Variants in ACTL6B observed in about 807,000 individuals in gnomAD.
The protein encoded by ACTL6B is actin-like protein 6B.
In ACTL6B, 48 loss-of-function variants were observed where a neutral mutation model predicts 63.3. That is an observed-to-expected ratio of 0.76 (90% CI 0.60 to 0.96). ACTL6B has a LOEUF of 0.96. ACTL6B is among the 50% of genes least tolerant of loss of function. The probability of loss-of-function intolerance (pLI) is 0.00; values close to 1 mark genes in which losing one functional copy is unlikely to be tolerated. For missense variants in ACTL6B, 350 were observed against 572.2 expected, an observed-to-expected ratio of 0.61 and a Z score of 3.96; for synonymous variants, 230 against 223.8, an observed-to-expected ratio of 1.03 and a Z score of -0.25.
In ACTL6B at chr7:100,643,183, G is replaced by T; in HGVS notation, c.*63C>A. ...AGAGGGAAAGGAGGAGGGGGGCAAT[G>T]TGGCATGGGGGTTAAGGGACTTCCA... On this transcript the variant is annotated 3_prime_UTR_variant, in exon 14 of 14. Transcript: ENST00000160382. The T allele has an allele frequency of 1.4e-6, 2 of 1,460,900 alleles. No individual in the cohort carries two copies. Among genetic ancestry groups the T allele is most frequent in the East Asian group, 2.3e-5 (1 of 43,716 alleles). The allele number at this position is 1,460,900 out of a possible 1,614,324, so 90.5% of individuals were successfully genotyped here.
intron 13 of ACTL6B, among the ~76,000 whole-genome samples, chr7:100,644,276 G>A (rs893102761): frequency 2.0e-5 from 3 of 152,010 alleles, no homozygotes; most frequent in Admixed American, 6.6e-5. Context: ...TCAAGTAATC[G>A]TTCCACCTCA....
chr7:100,652,299 G>A (rs946552380), intron 4 of ACTL6B, among the ~76,000 whole-genome samples: 48 of 151,878 alleles, frequency 3.2e-4, no homozygotes, highest in Non-Finnish European at 8.8e-5. Context: ...TTGGGAGGCC[G>A]AGGCAGGAGA....
chr7:100,647,142 G>A lies in ACTL6B; in HGVS notation c.822-57C>T, dbSNP rs1803839255. On this transcript the variant is annotated intron_variant, in intron 9 of 13. Coordinates refer to ENST00000160382, the MANE Select transcript of ACTL6B (RefSeq NM_016188.5). This position sits in a 1 kb window ranked among gnomAD's most constrained non-coding sequence, Gnocchi z 4.4. ...GTGCTCAAGAAGGATCAGTGCGTGG[G>A]CAGCACCAGAGCCCCCCAGCCCACC... The A allele has an allele frequency of 6.2e-7, 1 of 1,610,758 alleles. No homozygotes were observed. The highest frequency in any genetic ancestry group is 1.1e-5 in the South Asian group (1 of 91,004).
chr7:100,649,053 C>T (rs192097937), intron 5 of ACTL6B, among the ~76,000 whole-genome samples: 5 of 148,992 alleles, frequency 3.4e-5, no homozygotes, highest in East Asian at 2.0e-4. Context: ...AGTGCAGTGG[C>T]GCAATCTCAG....
chr7:100,646,849 T>G lies in ACTL6B; in HGVS notation c.937-18A>C, dbSNP rs1364829962. ...GACAGGCCCTGCAGAGAGAGGTGAC[T>G]GGGGCTGTGGGCTCTCTCCCCCTTC... is the stretch of plus-strand genomic sequence containing the variant. On this transcript the variant is annotated intron_variant, in intron 10 of 13. Transcript: ENST00000160382. The surrounding 1 kb of genome is among the most constrained non-coding windows in gnomAD (Gnocchi z 6.1). 8 of 1,608,086 alleles carry G rather than the reference T, an allele frequency of 5.0e-6. No homozygotes were observed. The highest frequency in any genetic ancestry group is 5.9e-6 in the Non-Finnish European group (7 of 1,177,164).
chr7:100,644,026 G>C (rs1803773478), intron 13 of ACTL6B, among the ~76,000 whole-genome samples: 1 of 151,930 alleles, frequency 6.6e-6, no homozygotes, highest in South Asian at 2.1e-4. Context: ...CAGCCTGCTG[G>C]GTAGCTGGGA....
chr7:100,646,860 GCT>G lies in ACTL6B; in HGVS notation c.937-31_937-30del. On this transcript the variant is annotated intron_variant, in intron 10 of 13. Transcript: ENST00000160382. This position sits in a 1 kb window ranked among gnomAD's most constrained non-coding sequence, Gnocchi z 6.1. ...CAGAGAGAGGTGACTGGGGCTGTGG[GCT>G]CTCTCCCCCTTCCCCCCAGACCCCT... The G allele has an allele frequency of 6.2e-7, 1 of 1,605,310 alleles. No individual in the cohort carries two copies. Among genetic ancestry groups the G allele is most frequent in the Non-Finnish European group, 8.5e-7 (1 of 1,175,468 alleles).
At position 100,649,000 on chromosome 7, in the gene ACTL6B, T is replaced by A. The variant is rs1394734566; in HGVS notation, c.468-177A>T. On this transcript the variant is annotated intron_variant, in intron 5 of 13. Transcript: ENST00000160382. This position sits in a 1 kb window ranked among gnomAD's most constrained non-coding sequence, Gnocchi z 4.4. ...GGCTCTGAGACCCCAGTTACTTCTTTTTTTTTTTTTTTGAGATGGAGTCTT... is the reference window on the plus strand; with the variant it reads ...GGCTCTGAGACCCCAGTTACTTCTTATTTTTTTTTTTTGAGATGGAGTCTT... 6.6e-6 allele frequency among the ~76,000 whole-genome samples: 1 copy of A among 150,716 alleles called. No homozygotes were observed. Among genetic ancestry groups the A allele is most frequent in the Non-Finnish European group, 1.5e-5 (1 of 67,460 alleles).
rs1804012904 is a variant in ACTL6B, at chr7:100,655,066, C to T, written c.322G>A (p.Val108Ile). 1.9e-6 allele frequency: 3 copies of T among 1,614,028 alleles called. No individual in the cohort carries two copies. The highest frequency in any genetic ancestry group is 1.1e-5 in the South Asian group (1 of 91,070). ...GGGTGCAGGTTTGGCTCAGACTTGACGTGTTTGCTGTAGGTGTGATCCAGG... is the reference window on the plus strand; with the variant it reads ...GGGTGCAGGTTTGGCTCAGACTTGATGTGTTTGCTGTAGGTGTGATCCAGG... ...AILDHTYSKH[V>I]KSEPNLHPVL... The change falls in exon 4 of 14, where the codon GTC (valine) becomes ATC (isoleucine). Residue 108 changes from valine to isoleucine, a missense_variant. Val to Ile is a conservative substitution (Grantham distance 29). Transcript: ENST00000160382. This position sits in a 1 kb window ranked among gnomAD's most constrained non-coding sequence, Gnocchi z 4.4.
intron 4 of ACTL6B, 108 bp from the exon 5 acceptor site, chr7:100,650,243 A>G (rs1449142305): frequency 1.2e-6 from 1 of 848,860 alleles, no homozygotes; most frequent in Non-Finnish European, 1.9e-6. Context: ...TCACACACAC[A>G]CATCCAAACA....
chr7:100,651,063 G>A (rs1325617486), intron 4 of ACTL6B, among the ~76,000 whole-genome samples: 1 of 152,070 alleles, frequency 6.6e-6, no homozygotes, highest in Admixed American at 6.6e-5. Context: ...TACATCAGAG[G>A]ATCAGAAATC....
chr7:100,655,099 G>A lies in ACTL6B; in HGVS notation c.289C>T (p.Arg97Ter), dbSNP rs929755522. Reference protein sequence around the residue: ...NGMIEDWECFRAILDHTYSKH... With the variant: ...NGMIEDWECF ...CTGTAGGTGTGATCCAGGATGGCTC[G>A]GAAGCACTCCCAGTCCTCGACTGGG... The change falls in exon 4 of 14, where the codon CGA (arginine) becomes TGA (stop). Residue 97 changes from arginine to a stop codon, truncating the protein, a stop_gained. Transcript: ENST00000160382. LOFTEE classifies it high-confidence loss of function. The surrounding 1 kb of genome is among the most constrained non-coding windows in gnomAD (Gnocchi z 4.4). The A allele has an allele frequency of 1.9e-6, 3 of 1,613,858 alleles. No individual in the cohort carries two copies. Among genetic ancestry groups the A allele is most frequent in the African/African-American group, 1.3e-5 (1 of 74,878 alleles).
Position 100,655,475 on chromosome 7 carries a change from G to A in ACTL6B, c.214C>T (p.Leu72=), listed in dbSNP as rs771663262. Residue 72 remains leucine, a synonymous_variant, in exon 3 of 14, where the codon CTG becomes TTG. Transcript: ENST00000160382. This position sits in a 1 kb window ranked among gnomAD's most constrained non-coding sequence, Gnocchi z 4.4. ...GKIFHIDTNA[L]HVPRDGAEVM... ...TCCGCTCCATCCCGAGGCACGTGCA[G>A]GGCATTGGTGTCGATGTGGAAGATC... 2 of 1,614,188 alleles carry A rather than the reference G, an allele frequency of 1.2e-6. No individual in the cohort carries two copies. The highest frequency in any genetic ancestry group is 1.7e-6 in the Non-Finnish European group (2 of 1,180,036).
Position 100,646,617 on chromosome 7 carries a change from G to A in ACTL6B, c.1047C>T (p.Gly349=), listed in dbSNP as rs771366451. The part of the protein sequence containing the change: ...PGLYGSVIVT[G]GNTLLQGFTD... Reference sequence around the variant, plus strand: ...TGAAGCCCTGCAGCAGTGTGTTCCCGCCGGTGACAATGACACTCCCGTACA... The same window carrying A: ...TGAAGCCCTGCAGCAGTGTGTTCCCACCGGTGACAATGACACTCCCGTACA... The change falls in exon 12 of 14, where the codon GGC becomes GGT. Residue 349 remains glycine (G), a synonymous_variant. Coordinates refer to ENST00000160382, the MANE Select transcript of ACTL6B (RefSeq NM_016188.5). The surrounding 1 kb of genome is among the most constrained non-coding windows in gnomAD (Gnocchi z 6.1). 8.7e-6 allele frequency: 14 copies of A among 1,613,964 alleles called. No individual in the cohort carries two copies. Among genetic ancestry groups the A allele is most frequent in the East Asian group, 2.2e-5 (1 of 44,884 alleles).
chr7:100,652,118 G>A (rs1228282818), intron 4 of ACTL6B, among the ~76,000 whole-genome samples: 1 of 152,120 alleles, frequency 6.6e-6, no homozygotes, highest in Non-Finnish European at 1.5e-5. Flanking sequence ...TTGATGAGAG[G>A]CCAGGTGTGG....
rs58707737 is a variant in ACTL6B, at chr7:100,652,999, C to CAAAAA, written c.369+2015_369+2019dup. Among the ~76,000 whole-genome samples the CAAAAA allele has an allele frequency of 3.9e-3, 101 of 25,944 alleles. 7 individuals are homozygous for CAAAAA. The highest frequency in any genetic ancestry group is 4.8e-3 in the Non-Finnish European group (77 of 16,098). 17.0% of individuals were successfully genotyped at this position (25,944 alleles called of 152,430 possible). ...CTGGTGACAGAGCAAAACTCCGTCT[C>CAAAAA]AAAAAAAAAAAAAAAAAAAAAAAAA... is the stretch of plus-strand genomic sequence containing the variant. On this transcript the variant is annotated intron_variant, in intron 4 of 13. Transcript: ENST00000160382.
rs935914969 is a variant in ACTL6B at position 100,648,975 on chromosome 7, G to C, written c.468-152C>G. On this transcript the variant is annotated intron_variant, in intron 5 of 13. Transcript: ENST00000160382. This position sits in a 1 kb window ranked among gnomAD's most constrained non-coding sequence, Gnocchi z 4.4. ...GGTGATGACTCATCTCCTGGAGAAA[G>C]GCTCTGAGACCCCAGTTACTTCTTT... 76 of 668,518 alleles carry C rather than the reference G, an allele frequency of 1.1e-4. 1 individual carries two copies. Among genetic ancestry groups the C allele is most frequent in the Admixed American group, 3.3e-5 (1 of 30,152 alleles). 41.4% of individuals were successfully genotyped at this position (668,518 alleles called of 1,614,324 possible).
chr7:100,644,874 G>A (rs1338697820), intron 13 of ACTL6B, among the ~76,000 whole-genome samples: 1 of 151,986 alleles, frequency 6.6e-6, no homozygotes, highest in African/African-American at 2.4e-5. Flanking sequence ...TAGCCAACAC[G>A]GTGAAACCCC....
chr7:100,648,788 T>C lies in ACTL6B; in HGVS notation c.503A>G (p.Asp168Gly). 1 of 1,614,000 alleles carries C rather than the reference T, an allele frequency of 6.2e-7. No individual in the cohort carries two copies. Among genetic ancestry groups the C allele is most frequent in the South Asian group, 1.1e-5 (1 of 91,078 alleles). ...GGCCGTGGTGTGGGTGGCTCCACTGTCCAGCACGAGGCCAGTGGACCGCCC... is the reference window on the plus strand; with the variant it reads ...GGCCGTGGTGTGGGTGGCTCCACTGCCCAGCACGAGGCCAGTGGACCGCCC... ...ANGRSTGLVLDSGATHTTAIP... is the reference protein window; with the variant it reads ...ANGRSTGLVLGSGATHTTAIP... Residue 168 changes from aspartate to glycine, a missense_variant, in exon 6 of 14, where the codon GAC (aspartate) becomes GGC (glycine). Physicochemically the swap from Asp to Gly is moderately conservative, Grantham distance 94. This residue lies in a region of ACTL6B where 250 missense variants were observed against 364.7 expected (regional missense o/e 0.69). Transcript: ENST00000160382. This position sits in a 1 kb window ranked among gnomAD's most constrained non-coding sequence, Gnocchi z 4.4.
Sources: gnomAD v4.1 joint callset for allele counts (sites outside exome capture counted in the v4.1 genomes callset) on GRCh38, gnomAD v4.1.1 for gene constraint, gnomAD v4.1.1 regional missense constraint, Gnocchi (gnomAD v3.1) non-coding constraint, MANE v1.5 for transcripts, NCBI Gene and HGNC (gene_info 2026-07-23, HGNC 2026-07-21) for gene names.